Variants in BTBD16 observed in about 807,000 individuals in gnomAD.
BTBD16 encodes BTB domain containing 16.
In BTBD16, 66 loss-of-function variants were observed where a neutral mutation model predicts 67.4. The observed-to-expected ratio is 0.98, with a 90% CI of 0.80 to 1.20. BTBD16 has a LOEUF of 1.20. Among genes scored for constraint, BTBD16 ranks in the 50% most tolerant of loss-of-function variants. The pLI, the probability that BTBD16 is intolerant of heterozygous loss-of-function variation, is 0.00. For synonymous variants in BTBD16, 242 were observed against 236.4 expected (o/e 1.02, Z -0.22); for missense variants, 634 against 616.0 (o/e 1.03, Z -0.31).
chr10:122,282,264 G>A (rs925612978), intron 3 of BTBD16, among the ~76,000 whole-genome samples: 4 of 152,296 alleles, frequency 2.6e-5, no homozygotes, highest in East Asian at 1.9e-4. Context: ...CTTTCCAGAC[G>A]TGTCACCCAA....
chr10:122,332,483 G>T lies in BTBD16; in HGVS notation c.1134G>T (p.Gln378His). The stretch of plus-strand genomic sequence containing the variant: ...TCCACCTGAAAGATCTTAACACCCA[G>T]GCTGTGAGATTTGGGCTGCTCTTTA... The part of the protein sequence containing the change: ...DMVHLKDLNT[Q>H]AVRFGLLFNQ... The change falls in exon 13 of 16, where the codon CAG becomes CAT. Residue 378 changes from glutamine (Q) to histidine (H), a missense_variant. Coordinates refer to ENST00000260723, the MANE Select transcript of BTBD16 (RefSeq NM_144587.5). 1 of 1,614,026 alleles carries T rather than the reference G, an allele frequency of 6.2e-7. No individual in the cohort carries two copies. The highest frequency in any genetic ancestry group is 8.5e-7 in the Non-Finnish European group (1 of 1,180,010).
intron 5 of BTBD16, among the ~76,000 whole-genome samples, chr10:122,286,518 G>A (rs1028949932): frequency 1.3e-5 from 2 of 152,106 alleles, no homozygotes; most frequent in Non-Finnish European, 2.9e-5. Context: ...CTCAGTACAT[G>A]CCAGTTATTA....
At chr10:122,282,192 A>G (rs1314088669) in intron 3 of BTBD16, among the ~76,000 whole-genome samples, 2 of 152,032 alleles carry the variant, frequency 1.3e-5, no homozygotes, top group East Asian at 3.9e-4. Flanking sequence ...CTTGCGCCAT[A>G]TTTTCCAAAG....
chr10:122,275,005 T>C (rs369262041), intron 1 of BTBD16, 35 bp from the exon 2 acceptor site: 3 of 1,471,254 alleles, frequency 2.0e-6, no homozygotes. Context: ...TTGAAAAGTA[T>C]GGAAAATGTC....
rs765520864 is a variant in BTBD16, at chr10:122,297,840, G to A, written c.660+3G>A. 5.0e-6 allele frequency: 8 copies of A among 1,614,072 alleles called. No homozygotes were observed. In the East Asian group the frequency reaches 1.6e-4, roughly 31 times the overall value. Reference sequence around the variant, plus strand: ...AATTCTACGAGGCCGGCTGCAAGGTGAGAACAACCCAGACGGGGCACATCG... The same window carrying A: ...AATTCTACGAGGCCGGCTGCAAGGTAAGAACAACCCAGACGGGGCACATCG... On this transcript the variant is annotated splice_donor_region_variant and intron_variant, in intron 8 of 15. Transcript: ENST00000260723.
chr10:122,287,682 T>C (rs752555444), intron 5 of BTBD16, among the ~76,000 whole-genome samples: 5 of 152,226 alleles, frequency 3.3e-5, no homozygotes, highest in Non-Finnish European at 7.3e-5. Context: ...GTTATCACTT[T>C]CATGTTCTCA....
At chr10:122,290,067 A>G in intron 6 of BTBD16, 69 bp downstream of exon 6, 1 of 1,087,118 alleles carries the variant, frequency 9.2e-7, no homozygotes, top group South Asian at 1.4e-5. Context: ...TTAAAAATGC[A>G]CAAGCAACAA....
Position 122,286,206 on chromosome 10 carries a change from G to C in BTBD16, c.343G>C (p.Gly115Arg). The change falls in exon 5 of 16, where the codon GGC (glycine) becomes CGC (arginine). Residue 115 changes from glycine to arginine, a missense_variant. By Grantham distance (125) the Gly-to-Arg change is moderately radical. Coordinates refer to ENST00000260723, the MANE Select transcript of BTBD16 (RefSeq NM_144587.5). The part of the protein sequence containing the change: ...AKLYLKALAQ[G>R]TTHPLRELEE... ...GCTCTACCTGAAAGCCCTGGCGCAGGGCACCACACACCCCCTGAGGGAGCT... is the reference window on the plus strand; with the variant it reads ...GCTCTACCTGAAAGCCCTGGCGCAGCGCACCACACACCCCCTGAGGGAGCT... 1.9e-6 allele frequency: 3 copies of C among 1,613,752 alleles called. No homozygotes were observed. The highest frequency in any genetic ancestry group is 1.1e-5 in the South Asian group (1 of 91,034).
intron 3 of BTBD16, 103 bp downstream of exon 3, chr10:122,277,042 G>A: frequency 7.3e-7 from 1 of 1,361,878 alleles, no homozygotes; most frequent in Non-Finnish European, 9.9e-7. Context: ...GGCTGTCAAG[G>A]GCACATCTGC....
intron 15 of BTBD16, 129 bp downstream of exon 15, chr10:122,336,811 C>A: frequency 1.3e-6 from 1 of 786,308 alleles, no homozygotes; most frequent in African/African-American, 1.8e-5. Flanking sequence ...GGCTCAGTTT[C>A]TTAAGGATTA....
rs776715409 is a variant in BTBD16 at position 122,289,885 on chromosome 10, T to G, written c.386-24T>G. On this transcript the variant is annotated intron_variant, in intron 5 of 15. Coordinates refer to ENST00000260723, the MANE Select transcript of BTBD16 (RefSeq NM_144587.5). ...TCACCACGGTTATCACATCCTGCCATCATCATCTCATTTCCTTTACTAGCT... is the reference window on the plus strand; with the variant it reads ...TCACCACGGTTATCACATCCTGCCAGCATCATCTCATTTCCTTTACTAGCT... The G allele has an allele frequency of 1.9e-6, 3 of 1,593,012 alleles. No individual in the cohort carries two copies. In the South Asian group the frequency reaches 3.3e-5, roughly 18 times the overall value.
intron 10 of BTBD16, among the ~76,000 whole-genome samples, chr10:122,310,659 C>T (rs1050913676): frequency 2.6e-5 from 4 of 152,088 alleles, no homozygotes; most frequent in South Asian, 4.2e-4. Flanking sequence ...TAAACAGGCT[C>T]GGAAATGAGA....
intron 3 of BTBD16, among the ~76,000 whole-genome samples, chr10:122,277,216 A>T (rs1298489410): frequency 6.7e-6 from 1 of 149,052 alleles, no homozygotes; most frequent in Admixed American, 6.7e-5. Flanking sequence ...CCCAAACAGG[A>T]TTCTGAGTTT....
intron 10 of BTBD16, among the ~76,000 whole-genome samples, chr10:122,328,556 G>A (rs2096449393): frequency 6.6e-6 from 1 of 152,168 alleles, no homozygotes; most frequent in Non-Finnish European, 1.5e-5. Context: ...GGGACCACAG[G>A]GCCAGTGGTG....
At chr10:122,277,480 A>G (rs949922423) in intron 3 of BTBD16, among the ~76,000 whole-genome samples, 3 of 152,196 alleles carry the variant, frequency 2.0e-5, no homozygotes, top group Non-Finnish European at 4.4e-5. Context: ...TCAGAAATTT[A>G]TAAAGAAAAA....
chr10:122,275,587 C>T (rs1271901614), intron 2 of BTBD16, among the ~76,000 whole-genome samples: 1 of 152,178 alleles, frequency 6.6e-6, no homozygotes, highest in Non-Finnish European at 1.5e-5. Context: ...TGCTCAAGGT[C>T]ACACAACTAG....
chr10:122,325,169 G>T (rs2096442190), intron 10 of BTBD16, among the ~76,000 whole-genome samples: 1 of 152,234 alleles, frequency 6.6e-6, no homozygotes, highest in Admixed American at 6.5e-5. Context: ...TAAGTTGTGG[G>T]TGAATGGAGG....
intron 10 of BTBD16, among the ~76,000 whole-genome samples, chr10:122,312,462 G>T (rs2421009): frequency 4.0e-5 from 6 of 151,646 alleles, no homozygotes; most frequent in Non-Finnish European, 7.4e-5. Flanking sequence ...ATAGGCATAC[G>T]CCACCACACC....
At chr10:122,305,564 C>T (rs1180119831) in intron 9 of BTBD16, among the ~76,000 whole-genome samples, 1 of 152,132 alleles carries the variant, frequency 6.6e-6, no homozygotes, top group Non-Finnish European at 1.5e-5. Flanking sequence ...TTTCCTGAGG[C>T]CTCTCCAGAA....
Sources: allele counts gnomAD v4.1 joint callset (sites outside exome capture counted in the v4.1 genomes callset), GRCh38; gene constraint gnomAD v4.1.1; transcripts MANE v1.5; gene names NCBI Gene and HGNC (gene_info 2026-07-23, HGNC 2026-07-21).